RP1: variants seen among roughly 807,000 people sequenced by gnomAD.
RP1 encodes RP1 axonemal microtubule associated, also known as oxygen-regulated protein 1.
A neutral mutation model predicts 14.8 loss-of-function variants in RP1; 16 were observed. The ratio of observed to expected loss-of-function variants is 1.08; its 90% confidence interval spans 0.73 to 1.65. The LOEUF is 1.65. Ranked by LOEUF, RP1 falls within the 40% of genes most tolerant of loss-of-function variation. The probability of loss-of-function intolerance (pLI) is 0.00; values close to 1 mark genes in which losing one functional copy is unlikely to be tolerated. For missense variants in RP1, 2,631 were observed against 2,535.0 expected (o/e 1.04, Z -0.81); for synonymous variants, 876 against 883.6 (o/e 0.99, Z 0.15).
intron 12 of RP1, among the ~76,000 whole-genome samples, chr8:54,691,324 G>A (rs919466765): frequency 6.6e-6 from 1 of 151,984 alleles, no homozygotes; most frequent in Non-Finnish European, 1.5e-5. Context: ...GAATGTTAAG[G>A]GAAAAGGATT....
At chr8:54,692,758 T>C in intron 12 of RP1, among the ~76,000 whole-genome samples, 1 of 150,786 alleles carries the variant, frequency 6.6e-6, no homozygotes, top group African/African-American at 2.5e-5. Flanking sequence ...TTTCTCCCAT[T>C]CTGTAGGTTG....
chr8:54,769,120 T>C (rs1809839199), intron 22 of RP1, among the ~76,000 whole-genome samples: 1 of 152,044 alleles, frequency 6.6e-6, no homozygotes, highest in Admixed American at 6.6e-5. Context: ...GGTCTCGATC[T>C]CCTGACCTCA....
intron 1 of RP1, among the ~76,000 whole-genome samples, chr8:54,593,787 G>T (rs1289711705): frequency 6.6e-6 from 1 of 152,228 alleles, no homozygotes; most frequent in African/African-American, 2.4e-5. Context: ...CAGGCACAGG[G>T]TCTGACTGGG....
chr8:54,628,191 T>C lies in RP1; in HGVS notation c.4309T>C (p.Phe1437Leu). Residue 1437 changes from phenylalanine (F) to leucine (L), a missense_variant, in exon 4 of 4, where the codon TTT becomes CTT. Phe to Leu is a conservative substitution (Grantham distance 22). Transcript: ENST00000220676. ...KFQDENAYTS[F>L]DMEEPRTSEE... ...TCAGGATGAAAATGCATATACTTCC[T>C]TTGATATGGAAGAACCACGGACTTC... 1.9e-6 allele frequency: 3 copies of C among 1,614,054 alleles called. No individual in the cohort carries two copies. Among genetic ancestry groups the C allele is most frequent in the Non-Finnish European group, 2.5e-6 (3 of 1,179,924 alleles).
chr8:54,773,966 C>G (rs1381844413), downstream of RP1, among the ~76,000 whole-genome samples: 2 of 152,130 alleles, frequency 1.3e-5, no homozygotes, highest in Non-Finnish European at 2.9e-5. Context: ...GTTCTGTTAC[C>G]TATACATGCT....
At chr8:54,710,032 G>A (rs1808258296) in intron 15 of RP1, among the ~76,000 whole-genome samples, 1 of 152,144 alleles carries the variant, frequency 6.6e-6, no homozygotes, top group African/African-American at 2.4e-5. Flanking sequence ...TTTGTGCTGG[G>A]ATCCAGGCCC....
chr8:54,626,628 A>G lies in RP1; in HGVS notation c.2746A>G (p.Ile916Val), dbSNP rs888374343. 6.2e-7 allele frequency: 1 copy of G among 1,613,842 alleles called. No individual in the cohort carries two copies. The change falls in exon 4 of 4, where the codon ATA (isoleucine) becomes GTA (valine). Residue 916 changes from isoleucine to valine, a missense_variant. By Grantham distance (29) the Ile-to-Val change is conservative (BLOSUM62 3). Coordinates refer to ENST00000220676, the MANE Select transcript of RP1 (RefSeq NM_006269.2). ...AIAHHSIQNY[I>V]QSWLQNINPY... ...TGCTCATCATTCAATTCAAAATTAT[A>G]TACAGAGTTGGTTGCAGAACATAAA...
upstream of RP1, among the ~76,000 whole-genome samples, chr8:54,615,163 C>T (rs963576629): frequency 6.6e-6 from 1 of 152,200 alleles, no homozygotes; most frequent in African/African-American, 2.4e-5. Flanking sequence ...CTACACCTCA[C>T]TCTTTCTCTT....
chr8:54,682,151 T>A (rs920081522), intron 12 of RP1, among the ~76,000 whole-genome samples: 1 of 152,082 alleles, frequency 6.6e-6, no homozygotes, highest in Non-Finnish European at 1.5e-5. Context: ...CTAACTTACA[T>A]TCCCACCAAC....
chr8:54,828,603 G>A (rs1811442705), intron 24 of RP1, among the ~76,000 whole-genome samples: 1 of 151,982 alleles, frequency 6.6e-6, no homozygotes, highest in Non-Finnish European at 1.5e-5. Flanking sequence ...AAATAAACCT[G>A]TTTTCTTTAT....
Position 54,628,209 on chromosome 8 carries a change from C to A in RP1, c.4327C>A (p.Arg1443=), listed in dbSNP as rs373109791. The A allele has an allele frequency of 3.1e-6, 5 of 1,613,796 alleles. No homozygotes were observed. The South Asian group carries it at 4.4e-5, about 14-fold the overall frequency. The part of the protein sequence containing the change: ...AYTSFDMEEP[R]TSEEPGSITN... Reference sequence around the variant, plus strand: ...TACTTCCTTTGATATGGAAGAACCACGGACTTCTGAAGAACCAGGCTCAAT... The same window carrying A: ...TACTTCCTTTGATATGGAAGAACCAAGGACTTCTGAAGAACCAGGCTCAAT... Residue 1443 remains arginine, a synonymous_variant, in exon 4 of 4, where the codon CGG becomes AGG. Transcript: ENST00000220676.
intron 6 of RP1, chr8:54,663,641 A>G (rs1806946641): frequency 7.2e-7 from 1 of 1,380,848 alleles, no homozygotes; most frequent in Non-Finnish European, 9.3e-7. Flanking sequence ...TTCTGTATGT[A>G]ATTTTCTGTT....
chr8:54,583,134 G>A (rs199796663), intron 1 of RP1, among the ~76,000 whole-genome samples: 1 of 152,146 alleles, frequency 6.6e-6, no homozygotes, highest in Non-Finnish European at 1.5e-5. Flanking sequence ...TTGGCTTTGG[G>A]TTTGTCATAG....
intron 24 of RP1, among the ~76,000 whole-genome samples, chr8:54,813,270 G>C (rs901741925): frequency 3.9e-5 from 6 of 152,316 alleles, no homozygotes; most frequent in Admixed American, 2.6e-4. Flanking sequence ...CAGCAAGTTA[G>C]CATGCTAGGG....
chr8:54,699,624 T>C, intron 13 of RP1: 1 of 841,060 alleles, frequency 1.2e-6, no homozygotes, highest in Non-Finnish European at 1.6e-6. Flanking sequence ...GTCTGTATAT[T>C]TTTTTGTATA....
rs544417230 is a variant in RP1, at chr8:54,865,535, G to A, written c.4070-300G>A. Reference sequence around the variant, plus strand: ...TTCTATGACTTAACATAACTGAAATGCATTTATGTGAATTTACTTCTCTCT... The same window carrying A: ...TTCTATGACTTAACATAACTGAAATACATTTATGTGAATTTACTTCTCTCT... On this transcript the variant is annotated intron_variant, in intron 27 of 28. Transcript: ENST00000637698. Among the ~76,000 whole-genome samples the A allele has an allele frequency of 2.6e-5, 4 of 151,996 alleles. 1 individual carries two copies. Among genetic ancestry groups the A allele is most frequent in the South Asian group, 4.1e-4 (2 of 4,826 alleles).
intron 22 of RP1, among the ~76,000 whole-genome samples, chr8:54,759,383 G>A (rs1032325345): frequency 6.6e-6 from 1 of 152,038 alleles, no homozygotes; most frequent in Non-Finnish European, 1.5e-5. Context: ...TTTAACTGTT[G>A]GTTTCTTTAC....
Position 54,621,486 on chromosome 8 carries a change from A to C in RP1, c.520A>C (p.Arg174=), listed in dbSNP as rs771198518. 1 of 1,614,080 alleles carries C rather than the reference A, an allele frequency of 6.2e-7. No individual in the cohort carries two copies. The highest frequency in any genetic ancestry group is 8.5e-7 in the Non-Finnish European group (1 of 1,180,026). The change falls in exon 2 of 4, where the codon AGG becomes CGG. Residue 174 remains arginine, a synonymous_variant. Coordinates refer to ENST00000220676, the MANE Select transcript of RP1 (RefSeq NM_006269.2). ...GACGAGGCGTGCGGTTCTTCTGAGC[A>C]GGAGGGTCACCCAGAGCTTCGAGGC... ...PKTRRAVLLS[R]RVTQSFEAFL... is the part of the protein sequence containing the mutation.
intron 24 of RP1, among the ~76,000 whole-genome samples, chr8:54,819,962 G>A (rs891489807): frequency 2.0e-5 from 3 of 152,096 alleles, no homozygotes; most frequent in Non-Finnish European, 2.9e-5. Flanking sequence ...ACTACTGCCC[G>A]AGTACCACTG....
Sources: gnomAD v4.1 joint callset for allele counts (sites outside exome capture counted in the v4.1 genomes callset) on GRCh38, gnomAD v4.1.1 for gene constraint, MANE v1.5 for transcripts, NCBI Gene and HGNC (gene_info 2026-07-23, HGNC 2026-07-21) for gene names.